NPR3: variants seen among roughly 807,000 people sequenced by gnomAD.
NPR3 encodes atrial natriuretic peptide receptor 3.
In NPR3, 34 loss-of-function variants were observed where a neutral mutation model predicts 54.5. That is an observed-to-expected ratio of 0.62 (90% confidence interval 0.47 to 0.83). The LOEUF is 0.83. Ranked by LOEUF, NPR3 falls within the 40% of genes least tolerant of loss-of-function variation. The probability of loss-of-function intolerance (pLI) is 0.00; values close to 1 mark genes in which losing one functional copy is unlikely to be tolerated. For missense variants in NPR3, 674 were observed against 720.8 expected (o/e 0.94, Z 0.74); for synonymous variants, 289 against 297.1 (o/e 0.97, Z 0.28).
At chr5:32,783,443 C>A (rs991937865) in intron 6 of NPR3, 9 of 158,868 alleles carry the variant, frequency 5.7e-5, no homozygotes, top group African/African-American at 2.2e-4. Context: ...AACATTTACA[C>A]ATTGGCAAAT....
chr5:32,780,810 C>A lies in NPR3; in HGVS notation c.1284C>A (p.Thr428=), dbSNP rs745435073. 6.6e-7 allele frequency: 1 copy of A among 1,523,440 alleles called. No homozygotes were observed. The highest frequency in any genetic ancestry group is 9.1e-7 in the Non-Finnish European group (1 of 1,097,536). The allele number at this position is 1,523,440 out of a possible 1,614,324, so 94.4% of individuals were successfully genotyped here. The change falls in exon 5 of 8, where the codon ACC becomes ACA. Residue 428 remains threonine (T), a synonymous_variant. Transcript: ENST00000265074. The stretch of plus-strand genomic sequence containing the variant: ...CCATGACTGATGTGGAGGCGGGCAC[C>A]CAGGAGGTGAGCACGTGAGACCTCT... The part of the protein sequence containing the change: ...VIAMTDVEAG[T]QEVIGDYFGK...
chr5:32,707,091 G>T (rs1013899871), upstream of NPR3, among the ~76,000 whole-genome samples: 1 of 152,046 alleles, frequency 6.6e-6, no homozygotes, highest in Non-Finnish European at 1.5e-5. Flanking sequence ...CCAGTATTCA[G>T]GTTAAATCAC....
At position 32,724,820 on chromosome 5, in the gene NPR3, G is replaced by A; in HGVS notation, c.892G>A (p.Gly298Arg). ...TGAGCTCTTCAACAGCTCTTCCTAT[G>A]GTAACTCTGCTTCCACTTTCCCCTC... ...NIELFNSSSYGDGSWKRGDKH... is the reference protein window; with the variant it reads ...NIELFNSSSYRDGSWKRGDKH... Residue 298 changes from glycine to arginine, a missense_variant and splice_region_variant, in exon 2 of 8, where the codon GGA (glycine) becomes AGA (arginine). Physicochemically the swap from Gly to Arg is moderately radical, Grantham distance 125. Coordinates refer to ENST00000265074, the MANE Select transcript of NPR3 (RefSeq NM_001204375.2). 6.2e-7 allele frequency: 1 copy of A among 1,613,752 alleles called. No homozygotes were observed. Among genetic ancestry groups the A allele is most frequent in the Non-Finnish European group, 8.5e-7 (1 of 1,179,830 alleles).
intron 1 of NPR3, among the ~76,000 whole-genome samples, chr5:32,700,890 A>G (rs969452503): frequency 3.9e-5 from 6 of 152,210 alleles, no homozygotes; most frequent in African/African-American, 1.4e-4. Context: ...AGCATGATTT[A>G]TAATCTCCTG....
At chr5:32,701,242 C>T (rs781136191) in intron 1 of NPR3, among the ~76,000 whole-genome samples, 14 of 151,636 alleles carry the variant, frequency 9.2e-5, no homozygotes, top group Non-Finnish European at 1.9e-4. Flanking sequence ...AATATCCTGT[C>T]CTCATGTTCA....
At position 32,733,806 on chromosome 5, in the gene NPR3, A is replaced by G. The variant is rs140236099; in HGVS notation, c.893-5058A>G. On this transcript the variant is annotated intron_variant, in intron 2 of 7. Transcript: ENST00000265074. ...CTTTTGATATTTTTTCCTCTTCTAC[A>G]TTTGTTTTTAACGTTTTTGTCAATC... Among the ~76,000 whole-genome samples the G allele has an allele frequency of 3.8e-3, 572 of 152,238 alleles. 3 individuals are homozygous for G. Among genetic ancestry groups the G allele is most frequent in the African/African-American group, 0.013 (554 of 41,540 alleles).
intron 3 of NPR3, among the ~76,000 whole-genome samples, chr5:32,764,502 A>G (rs1168236505): frequency 1.3e-5 from 2 of 152,036 alleles, no homozygotes; most frequent in African/African-American, 2.4e-5. Context: ...CAAAAAAAGA[A>G]TTTGGCCGGG....
At chr5:32,778,956 A>G (rs1458526353) in intron 4 of NPR3, among the ~76,000 whole-genome samples, 1 of 152,246 alleles carries the variant, frequency 6.6e-6, no homozygotes, top group Non-Finnish European at 1.5e-5. Flanking sequence ...TAAGAGTTTT[A>G]TAGGCTGTCA....
intron 3 of NPR3, among the ~76,000 whole-genome samples, chr5:32,761,308 C>A (rs1741148704): frequency 6.6e-6 from 1 of 152,024 alleles, no homozygotes; most frequent in African/African-American, 2.4e-5. Context: ...TCTTTCAATC[C>A]ATGAACATGA....
At chr5:32,756,055 A>G (rs954282447) in intron 3 of NPR3, among the ~76,000 whole-genome samples, 12 of 152,248 alleles carry the variant, frequency 7.9e-5, no homozygotes, top group African/African-American at 2.7e-4. Flanking sequence ...TAGTGCTGCA[A>G]TAAACATATG....
chr5:32,707,996 T>TAAAAAAAAA (rs58410343), upstream of NPR3, among the ~76,000 whole-genome samples: 1 of 131,490 alleles, frequency 7.6e-6, no homozygotes, highest in Non-Finnish European at 1.6e-5. Flanking sequence ...GTAGTAGCTT[T>TAAAAAAAAA]AAAAAAAAAA....
chr5:32,777,683 G>A (rs1252050280), intron 4 of NPR3, among the ~76,000 whole-genome samples: 2 of 152,156 alleles, frequency 1.3e-5, no homozygotes, highest in Non-Finnish European at 2.9e-5. Flanking sequence ...TATCTATGGT[G>A]GCAATTGGTA....
At chr5:32,762,851 C>T (rs1266814766) in intron 3 of NPR3, among the ~76,000 whole-genome samples, 1 of 152,168 alleles carries the variant, frequency 6.6e-6, no homozygotes, top group African/African-American at 2.4e-5. Context: ...TCCGATTTGT[C>T]AATTTTGGCT....
chr5:32,765,999 A>G (rs997051648), intron 3 of NPR3, among the ~76,000 whole-genome samples: 8 of 152,150 alleles, frequency 5.3e-5, no homozygotes, highest in Non-Finnish European at 1.5e-5. Context: ...TGCGGGGGGA[A>G]CTGCCTGTGG....
At chr5:32,716,068 A>C (rs573804484) in intron 1 of NPR3, among the ~76,000 whole-genome samples, 52 of 152,372 alleles carry the variant, frequency 3.4e-4, no homozygotes, top group African/African-American at 1.2e-3. Flanking sequence ...CACTGTGGAA[A>C]TTCTAAAGGC....
rs903912856 is a variant in NPR3 at position 32,726,881 on chromosome 5, T to C, written c.892+2061T>C. Among the ~76,000 whole-genome samples, 18 of 152,330 alleles carry C rather than the reference T, an allele frequency of 1.2e-4. 1 individual carries two copies. Among genetic ancestry groups the C allele is most frequent in the African/African-American group, 3.8e-4 (16 of 41,584 alleles). On this transcript the variant is annotated intron_variant, in intron 2 of 7. Coordinates refer to ENST00000265074, the MANE Select transcript of NPR3 (RefSeq NM_001204375.2). ...AAATACATGTTTTACAAAAATATTC[T>C]TCAATATATTGATCATACTATTTAT...
intron 2 of NPR3, among the ~76,000 whole-genome samples, chr5:32,728,594 C>A (rs1739254439): frequency 6.6e-6 from 1 of 151,354 alleles, no homozygotes. Context: ...AATTTTGATA[C>A]CATAGGAATA....
intron 6 of NPR3, among the ~76,000 whole-genome samples, chr5:32,784,352 C>A (rs944397182): frequency 4.6e-5 from 7 of 152,168 alleles, no homozygotes; most frequent in African/African-American, 7.2e-5. Context: ...CCACACCCAG[C>A]TGATTTTTGT....
intron 2 of NPR3, among the ~76,000 whole-genome samples, chr5:32,734,923 G>A (rs1739650029): frequency 1.3e-5 from 2 of 152,184 alleles, no homozygotes; most frequent in South Asian, 4.1e-4. Flanking sequence ...TGGTGACACA[G>A]CATTCTTCTG....
Sources: allele counts gnomAD v4.1 joint callset (sites outside exome capture counted in the v4.1 genomes callset), GRCh38; gene constraint gnomAD v4.1.1; transcripts MANE v1.5; gene names NCBI Gene and HGNC (gene_info 2026-07-23, HGNC 2026-07-21).